ZEB2: variants seen among roughly 807,000 people sequenced by gnomAD.
ZEB2 encodes zinc finger E-box-binding homeobox 2.
ZEB2 carries 6 observed loss-of-function variants against 99.9 expected under a neutral mutation model. The ratio of observed to expected loss-of-function variants is 0.06; its 90% CI spans 0.03 to 0.12. The LOEUF is 0.12. ZEB2 is among the 10% of genes least tolerant of loss of function. The probability of loss-of-function intolerance (pLI) is 1.00; values close to 1 mark genes in which losing one functional copy is unlikely to be tolerated. For missense variants in ZEB2, 969 were observed against 1,502.8 expected, an observed-to-expected ratio of 0.64 and a Z score of 5.87; for synonymous variants, 517 against 542.5, an observed-to-expected ratio of 0.95 and a Z score of 0.65.
Position 144,487,151 on chromosome 2 carries a change from CT to C in ZEB2, c.73+30126del, listed in dbSNP as rs200645325. 1.9e-3 allele frequency among the ~76,000 whole-genome samples: 284 copies of C among 147,910 alleles called. 3 individuals are homozygous for C. Among genetic ancestry groups the C allele is most frequent in the East Asian group, 0.018 (92 of 5,096 alleles). ...CATTTTTGATGTTTTTATCTCTCTGCTTTTTTTTTTAACTTCTGATTTACCT... is the reference window on the plus strand; with the variant it reads ...CATTTTTGATGTTTTTATCTCTCTGCTTTTTTTTTAACTTCTGATTTACCT... On this transcript the variant is annotated intron_variant, in intron 2 of 9. Coordinates refer to ENST00000627532, the MANE Select transcript of ZEB2 (RefSeq NM_014795.4).
intron 2 of ZEB2, among the ~76,000 whole-genome samples, chr2:144,434,865 G>A (rs1319278229): frequency 6.6e-6 from 1 of 152,142 alleles, no homozygotes; most frequent in Admixed American, 6.6e-5. Context: ...CAGAACCAAC[G>A]TGTAACCAGC....
chr2:144,511,840 T>TTA (rs1705043883), intron 2 of ZEB2: 3 of 1,287,112 alleles, frequency 2.3e-6, no homozygotes, highest in Non-Finnish European at 3.0e-6. Context: ...TTGGTTTAAA[T>TTA]CATCCTTCCC....
intron 5 of ZEB2, 58 bp from the exon 6 acceptor site, chr2:144,404,188 C>T: frequency 6.3e-7 from 1 of 1,585,684 alleles, no homozygotes; most frequent in Non-Finnish European, 8.6e-7. Flanking sequence ...AAATCAATGG[C>T]AGCTAATGGG....
intron 4 of ZEB2, among the ~76,000 whole-genome samples, chr2:144,412,566 A>G (rs568093415): frequency 4.6e-5 from 7 of 152,338 alleles, no homozygotes; most frequent in African/African-American, 1.7e-4. Context: ...GCCCATCCAA[A>G]CCTATGGAAC....
In ZEB2 at chr2:144,387,309, A is replaced by G. The variant is rs1200412677; in HGVS notation, c.*2142T>C. On this transcript the variant is annotated 3_prime_UTR_variant, in exon 10 of 10. Transcript: ENST00000627532. The stretch of plus-strand genomic sequence containing the variant: ...AGTTCTGTATATTCAAGAGCTGTAA[A>G]TTTGATAAGGTAATCTGTTTTTTCT... 6 of 152,188 alleles carry G rather than the reference A, an allele frequency of 3.9e-5. No individual in the cohort carries two copies. The highest frequency in any genetic ancestry group is 3.9e-4 in the Admixed American group (6 of 15,282). 9.4% of individuals were successfully genotyped at this position (152,188 alleles called of 1,614,324 possible). A position where few individuals can be genotyped will look rare whatever the true frequency, so the allele number is the denominator to read the frequency against.
At chr2:144,456,419 C>T (rs1704122443) in intron 2 of ZEB2, among the ~76,000 whole-genome samples, 1 of 151,988 alleles carries the variant, frequency 6.6e-6, no homozygotes, top group Non-Finnish European at 1.5e-5. Flanking sequence ...ATTCATAAAT[C>T]CCTTTTTGGA....
At chr2:144,442,454 G>T (rs1344619398) in intron 2 of ZEB2, among the ~76,000 whole-genome samples, 2 of 151,928 alleles carry the variant, frequency 1.3e-5, no homozygotes, top group Non-Finnish European at 2.9e-5. Flanking sequence ...GTACTGTTAG[G>T]CTCACTCAAT....
At position 144,513,649 on chromosome 2, in the gene ZEB2, G is replaced by A. The variant is rs1450808750; in HGVS notation, c.73+3629C>T. 12 of 1,534,180 alleles carry A rather than the reference G, an allele frequency of 7.8e-6. No individual in the cohort carries two copies. In the Admixed American group the frequency reaches 1.6e-4, roughly 20 times the overall value. Reference sequence around the variant, plus strand: ...GCAGACCCTCTTCCCGGGCTCCGTGGGAGGCAGGAGGGAAGCAGGAGCATC... The same window carrying A: ...GCAGACCCTCTTCCCGGGCTCCGTGAGAGGCAGGAGGGAAGCAGGAGCATC... On this transcript the variant is annotated intron_variant, in intron 2 of 9. Coordinates refer to ENST00000627532, the MANE Select transcript of ZEB2 (RefSeq NM_014795.4).
chr2:144,437,764 C>G (rs1170045832), intron 2 of ZEB2, among the ~76,000 whole-genome samples: 1 of 151,926 alleles, frequency 6.6e-6, no homozygotes, highest in Non-Finnish European at 1.5e-5. Flanking sequence ...GAAATGTGTC[C>G]TTGTGTAAAT....
At position 144,398,917 on chromosome 2, in the gene ZEB2, G is replaced by C. The variant is rs1197498677; in HGVS notation, c.2270C>G (p.Pro757Arg). 1.2e-6 allele frequency: 2 copies of C among 1,614,054 alleles called. No homozygotes were observed. Among genetic ancestry groups the C allele is most frequent in the Non-Finnish European group, 1.7e-6 (2 of 1,180,030 alleles). The change falls in exon 8 of 10, where the codon CCT becomes CGT. Residue 757 changes from proline to arginine, a missense_variant. Physicochemically the swap from Pro to Arg is moderately radical, Grantham distance 103. Transcript: ENST00000627532. ...ATGGGAAGGTTTTGTTAGCCTGAGA[G>C]GAGGATCACAATTCGTAACACTGTT... is the stretch of plus-strand genomic sequence containing the variant. ...LHNSVTNCDP[P>R]LRLTKPSHFT...
chr2:144,432,113 A>G (rs1454603540), intron 2 of ZEB2, among the ~76,000 whole-genome samples: 1 of 151,900 alleles, frequency 6.6e-6, no homozygotes, highest in African/African-American at 2.4e-5. Flanking sequence ...TTTCTTGTGG[A>G]AAAAAAAGAG....
intron 2 of ZEB2, among the ~76,000 whole-genome samples, chr2:144,439,197 C>T (rs1308036656): frequency 6.6e-6 from 1 of 151,746 alleles, no homozygotes; most frequent in African/African-American, 2.4e-5. Context: ...CCTTTCCTCA[C>T]CCCTGTATAA....
chr2:144,398,473 G>A lies in ZEB2; in HGVS notation c.2714C>T (p.Pro905Leu), dbSNP rs1255855620. ...GACTGGTGGCATGAAAGTAGCAGGGGGAAATGCGCTTTGAGGTGGAAGAGC... is the reference window on the plus strand; with the variant it reads ...GACTGGTGGCATGAAAGTAGCAGGGAGAAATGCGCTTTGAGGTGGAAGAGC... ...YTALPPQSAF[P>L]PATFMPPVQT... Residue 905 changes from proline to leucine, a missense_variant, in exon 8 of 10, where the codon CCC becomes CTC. Physicochemically the swap from Pro to Leu is moderately conservative, Grantham distance 98 (BLOSUM62 -3). Coordinates refer to ENST00000627532, the MANE Select transcript of ZEB2 (RefSeq NM_014795.4). 3.7e-6 allele frequency: 6 copies of A among 1,613,926 alleles called. No homozygotes were observed. The highest frequency in any genetic ancestry group is 5.1e-6 in the Non-Finnish European group (6 of 1,180,020).
chr2:144,484,877 G>T (rs1704572098), intron 2 of ZEB2, among the ~76,000 whole-genome samples: 1 of 152,020 alleles, frequency 6.6e-6, no homozygotes, highest in Non-Finnish European at 1.5e-5. Context: ...AAAAACACAG[G>T]AGCAGTAAAA....
chr2:144,433,955 T>C (rs949625024), intron 2 of ZEB2, among the ~76,000 whole-genome samples: 1 of 152,220 alleles, frequency 6.6e-6, no homozygotes, highest in Non-Finnish European at 1.5e-5. Flanking sequence ...TTGCTGATAA[T>C]TAGCTTGACA....
chr2:144,440,499 ATATATATATATATATATTTTTTTTTTT>A lies in ZEB2; in HGVS notation c.74-10500_74-10474del, dbSNP rs1300090360. Among the ~76,000 whole-genome samples, 166 of 22,976 alleles carry A rather than the reference ATATATATATATATATATTTTTTTTTTT, an allele frequency of 7.2e-3. 1 individual carries two copies. The highest frequency in any genetic ancestry group is 0.036 in the East Asian group (14 of 390). The allele number at this position is 22,976 out of a possible 152,430, so 15.1% of individuals were successfully genotyped here. A position where few individuals can be genotyped will look rare whatever the true frequency, so the allele number is the denominator to read the frequency against. ...ACCCAAAAGCAGTATATATATATATATATATATATATATATATTTTTTTTTTTTTTTTTTTTTTTTTTTAACTAGTGG... is the reference window on the plus strand; with the variant it reads ...ACCCAAAAGCAGTATATATATATATATTTTTTTTTTTTTTTTAACTAGTGG... On this transcript the variant is annotated intron_variant, in intron 2 of 9. Coordinates refer to ENST00000627532, the MANE Select transcript of ZEB2 (RefSeq NM_014795.4).
In ZEB2 at chr2:144,470,692, C is replaced by G. The variant is rs151220673; in HGVS notation, c.74-40666G>C. Among the ~76,000 whole-genome samples the G allele has an allele frequency of 5.3e-3, 801 of 152,230 alleles. 6 individuals are homozygous for G. The highest frequency in any genetic ancestry group is 0.017 in the Middle Eastern group (5 of 294). ...CAGAATGTAGGTCACTATCTAGAAG[C>G]CATAAGTTGCTTTTTTGTTAAATAA... is the stretch of plus-strand genomic sequence containing the variant. On this transcript the variant is annotated intron_variant, in intron 2 of 9. Transcript: ENST00000627532.
At chr2:144,411,121 T>TAC (rs10666828) in intron 4 of ZEB2, among the ~76,000 whole-genome samples, 47,406 of 106,154 alleles carry the variant, frequency 0.45, 11,903 homozygotes, top group East Asian at 0.64. Context: ...GCATCTCATA[T>TAC]ATACACACAC....
chr2:144,497,766 T>C (rs1465046558), intron 2 of ZEB2: 1 of 160,250 alleles, frequency 6.2e-6, no homozygotes, highest in Non-Finnish European at 1.5e-5. Flanking sequence ...TTGATGACCC[T>C]GTAAGAGTAC....
Sources: gnomAD v4.1 joint callset for allele counts (sites outside exome capture counted in the v4.1 genomes callset) on GRCh38, gnomAD v4.1.1 for gene constraint, MANE v1.5 for transcripts, NCBI Gene and HGNC (gene_info 2026-07-23, HGNC 2026-07-21) for gene names.